The following TOMM40L variants were observed in gnomAD, a reference collection of about 807,000 sequenced individuals.
TOMM40L encodes the protein mitochondrial import receptor subunit TOM40B.
Under a neutral mutation model 38.3 loss-of-function variants are expected in TOMM40L, and 17 were observed. The observed-to-expected ratio is 0.44, with a 90% confidence interval of 0.30 to 0.67. The LOEUF is 0.67. TOMM40L is among the 30% of genes least tolerant of loss of function. TOMM40L has a pLI of 0.08. For missense variants in TOMM40L, 294 were observed against 390.0 expected (o/e 0.75, Z 2.07); for synonymous variants, 151 against 150.2 (o/e 1.01, Z -0.04).
rs1221637785 is a variant in TOMM40L, at chr1:161,230,156, G to T, written c.*1061G>T. The T allele has an allele frequency of 1.9e-6, 1 of 524,946 alleles. No homozygotes were observed. Among genetic ancestry groups the T allele is most frequent in the Non-Finnish European group, 3.4e-6 (1 of 295,492 alleles). The allele number at this position is 524,946 out of a possible 1,614,324, so 32.5% of individuals were successfully genotyped here. A position where few individuals can be genotyped will look rare whatever the true frequency, so the allele number is the denominator to read the frequency against. On this transcript the variant is annotated 3_prime_UTR_variant, in exon 10 of 10. Coordinates refer to ENST00000367988, the MANE Select transcript of TOMM40L (RefSeq NM_032174.6). ...ATGCTCAGTTTTTTCTGAACCCAGA[G>T]CTCTGAGAGCCGAGTGTGAAGAAAG...
chr1:161,227,884 A>T lies in TOMM40L; in HGVS notation c.379A>T (p.Thr127Ser), dbSNP rs780654430. Residue 127 changes from threonine (T) to serine (S), a missense_variant and splice_region_variant, in exon 6 of 10, where the codon ACG becomes TCG. Coordinates refer to ENST00000367988, the MANE Select transcript of TOMM40L (RefSeq NM_032174.6). ...TTTACTTCTTGCTCTTGCCACCCAG[A>T]CGCAGCAGGCCAAGTTCCTGACATG... ...ERLRAKAVFQ[T>S]QQAKFLTWQF... The T allele has an allele frequency of 3.1e-6, 5 of 1,614,114 alleles. No homozygotes were observed. In the South Asian group the frequency reaches 5.5e-5, roughly 18 times the overall value.
At chr1:161,227,069 G>A (rs1043552969) in intron 3 of TOMM40L, 114 bp downstream of exon 3, 19 of 1,359,026 alleles carry the variant, frequency 1.4e-5, no homozygotes, top group Non-Finnish European at 1.7e-5. Context: ...AAATGAGGGA[G>A]GATGTGGGGT....
rs1666902314 is a variant in TOMM40L at position 161,230,430 on chromosome 1, G to A, written c.*1335G>A. On this transcript the variant is annotated 3_prime_UTR_variant, in exon 10 of 10. Coordinates refer to ENST00000367988, the MANE Select transcript of TOMM40L (RefSeq NM_032174.6). ...CTAACTTCAAGGGAAATGAGAAATC[G>A]AAGGAATTGGCCCAATGGCGAGGAG... 2 of 403,056 alleles carry A rather than the reference G, an allele frequency of 5.0e-6. No individual in the cohort carries two copies. The highest frequency in any genetic ancestry group is 2.1e-5 in the African/African-American group (1 of 48,168). 25.0% of individuals were successfully genotyped at this position (403,056 alleles called of 1,614,324 possible).
At chr1:161,226,733 T>C (rs1666371274) in intron 2 of TOMM40L, 129 bp downstream of exon 2, 1 of 1,255,552 alleles carries the variant, frequency 8.0e-7, no homozygotes, top group Non-Finnish European at 1.1e-6. Flanking sequence ...TCAGGGAGGA[T>C]CAGGTGCCCA....
chr1:161,228,652 A>T, intron 8 of TOMM40L, 63 bp from the exon 9 acceptor site: 1 of 1,596,028 alleles, frequency 6.3e-7, no homozygotes, highest in African/African-American at 1.3e-5. Flanking sequence ...CTGATTCCCC[A>T]TCAGGACCCT....
chr1:161,228,496 A>G lies in TOMM40L; in HGVS notation c.676A>G (p.Asn226Asp), dbSNP rs765601025. Residue 226 changes from asparagine (N) to aspartate (D), a missense_variant, in exon 8 of 10, where the codon AAT becomes GAT. By Grantham distance (23) the Asn-to-Asp change is conservative (BLOSUM62 1). Coordinates refer to ENST00000367988, the MANE Select transcript of TOMM40L (RefSeq NM_032174.6). ...GAHASYYHRA[N>D]EQVQVGVEFE... ...CCATGCAAGTTACTACCACAGGGCA[A>G]ATGAACAGGTGAGACCTCTGATCTC... 1.9e-6 allele frequency: 3 copies of G among 1,614,086 alleles called. No homozygotes were observed. The South Asian group carries it at 3.3e-5, about 18-fold the overall frequency.
At position 161,226,402 on chromosome 1, in the gene TOMM40L, A is replaced by C; in HGVS notation, c.-88A>C. The C allele has an allele frequency of 8.6e-7, 1 of 1,158,064 alleles. No homozygotes were observed. Among genetic ancestry groups the C allele is most frequent in the Non-Finnish European group, 1.2e-6 (1 of 819,286 alleles). The allele number at this position is 1,158,064 out of a possible 1,614,324, so 71.7% of individuals were successfully genotyped here. On this transcript the variant is annotated 5_prime_UTR_variant, in exon 2 of 10. Coordinates refer to ENST00000367988, the MANE Select transcript of TOMM40L (RefSeq NM_032174.6). The stretch of plus-strand genomic sequence containing the variant: ...AGTTTCTGAGGCTGGGGAGCCGGAT[A>C]ATGGGGGGTGGGGCCCGTTGGGGGG...
chr1:161,228,982 G>T lies in TOMM40L; in HGVS notation c.814G>T (p.Gly272Cys), dbSNP rs967001119. The T allele has an allele frequency of 6.2e-7, 1 of 1,614,182 alleles. No individual in the cohort carries two copies. The highest frequency in any genetic ancestry group is 8.5e-7 in the Non-Finnish European group (1 of 1,180,030). Residue 272 changes from glycine (G) to cysteine (C), a missense_variant, in exon 10 of 10, where the codon GGT becomes TGT. Gly to Cys is a radical substitution (Grantham distance 159). Coordinates refer to ENST00000367988, the MANE Select transcript of TOMM40L (RefSeq NM_032174.6). ...CTTGGTGGATAGTAACTGGTGTGTA[G>T]GTGCTGTGCTGGAGAAGAAGATGCC... ...RGLVDSNWCV[G>C]AVLEKKMPPL...
Position 161,226,504 on chromosome 1 carries a change from G to A in TOMM40L, c.15G>A (p.Leu5=). MGNT[L]GLAPMGTLPR... Reference sequence around the variant, plus strand: ...TCTGGACTAAAATGGGGAACACATTGGGCCTGGCACCAATGGGGACTTTGC... The same window carrying A: ...TCTGGACTAAAATGGGGAACACATTAGGCCTGGCACCAATGGGGACTTTGC... The change falls in exon 2 of 10, where the codon TTG becomes TTA. Residue 5 remains leucine (L), a synonymous_variant. Transcript: ENST00000367988. 1.9e-6 allele frequency: 3 copies of A among 1,613,912 alleles called. No individual in the cohort carries two copies. In the East Asian group the frequency reaches 6.7e-5, roughly 36 times the overall value.
intron 2 of TOMM40L, 87 bp downstream of exon 2, chr1:161,226,691 G>T: frequency 7.1e-7 from 1 of 1,418,400 alleles, no homozygotes; most frequent in South Asian, 1.2e-5. Context: ...ATGGGAGCAG[G>T]AAAGGGGAGA....
intron 9 of TOMM40L, 38 bp downstream of exon 9, chr1:161,228,855 A>G (rs1666576172): frequency 6.2e-7 from 1 of 1,613,644 alleles, no homozygotes; most frequent in Non-Finnish European, 8.5e-7. Context: ...ATCCTGAGGA[A>G]TGGGGGATGC....
chr1:161,230,566 C>T lies in TOMM40L; in HGVS notation c.*1471C>T, dbSNP rs1335304469. The T allele has an allele frequency of 1.7e-6, 1 of 587,242 alleles. No individual in the cohort carries two copies. The highest frequency in any genetic ancestry group is 3.0e-6 in the Non-Finnish European group (1 of 333,214). The allele number at this position is 587,242 out of a possible 1,614,324, so 36.4% of individuals were successfully genotyped here. A position where few individuals can be genotyped will look rare whatever the true frequency, so the allele number is the denominator to read the frequency against. Reference sequence around the variant, plus strand: ...GCTATTACCCAGAGCCTCTGAGCTACTACTTTGCATCTGTACTGAATAAAA... The same window carrying T: ...GCTATTACCCAGAGCCTCTGAGCTATTACTTTGCATCTGTACTGAATAAAA... On this transcript the variant is annotated 3_prime_UTR_variant, in exon 10 of 10. Coordinates refer to ENST00000367988, the MANE Select transcript of TOMM40L (RefSeq NM_032174.6).
rs1666347574 is a variant in TOMM40L, at chr1:161,226,386, G to A, written c.-104G>A. 3 of 1,010,258 alleles carry A rather than the reference G, an allele frequency of 3.0e-6. No homozygotes were observed. Among genetic ancestry groups the A allele is most frequent in the Non-Finnish European group, 4.3e-6 (3 of 690,342 alleles). 62.6% of individuals were successfully genotyped at this position (1,010,258 alleles called of 1,614,324 possible). On this transcript the variant is annotated 5_prime_UTR_variant, in exon 2 of 10. Transcript: ENST00000367988. ...CGTCGGACCATGTGGAAGTTTCTGA[G>A]GCTGGGGAGCCGGATAATGGGGGGT...
chr1:161,226,419 G>T lies in TOMM40L; in HGVS notation c.-71G>T. On this transcript the variant is annotated 5_prime_UTR_variant, in exon 2 of 10. Transcript: ENST00000367988. ...AGCCGGATAATGGGGGGTGGGGCCC[G>T]TTGGGGGGTAAAGGGGCAATAGCGT... The T allele has an allele frequency of 7.3e-7, 1 of 1,379,086 alleles. No individual in the cohort carries two copies. The highest frequency in any genetic ancestry group is 1.0e-6 in the Non-Finnish European group (1 of 1,005,024). The allele number at this position is 1,379,086 out of a possible 1,614,324, so 85.4% of individuals were successfully genotyped here.
rs1666984156 is a variant in TOMM40L, at chr1:161,230,692, C to T, written c.*1597C>T. On this transcript the variant is annotated 3_prime_UTR_variant, in exon 10 of 10. Coordinates refer to ENST00000367988, the MANE Select transcript of TOMM40L (RefSeq NM_032174.6). ...GGGATGGCCAGGGGGAAGGACTAGA[C>T]CCCACGATACCTGAATTCCCTAAGG... is the stretch of plus-strand genomic sequence containing the variant. 8 of 1,357,952 alleles carry T rather than the reference C, an allele frequency of 5.9e-6. No homozygotes were observed. The highest frequency in any genetic ancestry group is 8.2e-6 in the Non-Finnish European group (8 of 978,500). The allele number at this position is 1,357,952 out of a possible 1,614,324, so 84.1% of individuals were successfully genotyped here.
At chr1:161,227,047 T>C (rs371056516) in intron 3 of TOMM40L, 92 bp downstream of exon 3, 1 of 1,499,964 alleles carries the variant, frequency 6.7e-7, no homozygotes, top group East Asian at 2.3e-5. Context: ...CCCTAGCCAG[T>C]CTATGTGGGA....
Position 161,229,826 on chromosome 1 carries a change from T to C in TOMM40L, c.*731T>C. 1 of 1,614,220 alleles carries C rather than the reference T, an allele frequency of 6.2e-7. No individual in the cohort carries two copies. The highest frequency in any genetic ancestry group is 8.5e-7 in the Non-Finnish European group (1 of 1,180,042). On this transcript the variant is annotated 3_prime_UTR_variant, in exon 10 of 10. Transcript: ENST00000367988. ...CTGCAGATCTCCTGGAGCAGCGGCA[T>C]CATGGCAGACAGGCCCTGGATGTGC...
At chr1:161,228,933 G>C (rs1180910668) in intron 9 of TOMM40L, 23 bp from the exon 10 acceptor site, 4 of 1,614,082 alleles carry the variant, frequency 2.5e-6, no homozygotes, top group Non-Finnish European at 3.4e-6. Flanking sequence ...AAATAATCTA[G>C]TGGGTATTCT....
Position 161,226,105 on chromosome 1 carries a change from G to A in TOMM40L, c.-167G>A, listed in dbSNP as rs1666326110. On this transcript the variant is annotated 5_prime_UTR_variant, in exon 1 of 10. Coordinates refer to ENST00000367988, the MANE Select transcript of TOMM40L (RefSeq NM_032174.6). ...CCATCAAGATGACCGGGGTGTGCCG[G>A]GGGGAAAGGGGCAGCATGATGGTCT... is the stretch of plus-strand genomic sequence containing the variant. 3 of 166,774 alleles carry A rather than the reference G, an allele frequency of 1.8e-5. No homozygotes were observed. The South Asian group carries it at 4.2e-4, about 23-fold the overall frequency. The allele number at this position is 166,774 out of a possible 1,614,324, so 10.3% of individuals were successfully genotyped here.
Sources: allele counts gnomAD v4.1 joint callset, GRCh38; gene constraint gnomAD v4.1.1; transcripts MANE v1.5; gene names NCBI Gene and HGNC (gene_info 2026-07-23, HGNC 2026-07-21).